The following PLPPR1 variants were observed in gnomAD, a reference collection of about 807,000 sequenced individuals.
The protein encoded by PLPPR1 is phospholipid phosphatase-related protein type 1.
Under a neutral mutation model 33.1 loss-of-function variants are expected in PLPPR1, and 10 were observed. That is an observed-to-expected ratio of 0.30 (90% CI 0.19 to 0.51). The LOEUF (loss-of-function observed/expected upper bound fraction) is 0.51. Ranked by LOEUF, PLPPR1 falls within the 20% of genes least tolerant of loss-of-function variation. The pLI, the probability that PLPPR1 is intolerant of heterozygous loss-of-function variation, is 0.97. For missense variants in PLPPR1, 304 were observed against 408.1 expected, an observed-to-expected ratio of 0.74 and a Z score of 2.20; for synonymous variants, 151 against 151.0, an observed-to-expected ratio of 1.00 and a Z score of 0.00.
intron 1 of PLPPR1, among the ~76,000 whole-genome samples, chr9:101,053,137 A>G (rs770036243): frequency 1.3e-5 from 2 of 152,158 alleles, no homozygotes; most frequent in Non-Finnish European, 2.9e-5. Flanking sequence ...AGTACCTAAA[A>G]CAGAACATGT....
intron 4 of PLPPR1, among the ~76,000 whole-genome samples, chr9:101,297,125 T>G (rs1828660602): frequency 6.6e-6 from 1 of 152,184 alleles, no homozygotes; most frequent in Non-Finnish European, 1.5e-5. Flanking sequence ...ATGGGCAAAT[T>G]GGGCAAATAA....
chr9:101,243,394 G>GA (rs1459842038), intron 2 of PLPPR1, among the ~76,000 whole-genome samples: 2 of 152,036 alleles, frequency 1.3e-5, no homozygotes, highest in Non-Finnish European at 1.5e-5. Flanking sequence ...AAGAAGTGAT[G>GA]AGGGCCTGAA....
intron 2 of PLPPR1, among the ~76,000 whole-genome samples, chr9:101,196,936 G>T (rs1041605970): frequency 2.6e-5 from 4 of 152,302 alleles, no homozygotes; most frequent in African/African-American, 9.6e-5. Flanking sequence ...ATGTGAATGC[G>T]GGAGGGAATG....
chr9:101,221,924 G>T (rs1414358884), intron 2 of PLPPR1, among the ~76,000 whole-genome samples: 4 of 152,158 alleles, frequency 2.6e-5, no homozygotes, highest in African/African-American at 9.7e-5. Flanking sequence ...AAGAAGGAAA[G>T]AAAATAGGAA....
At chr9:101,051,534 C>T (rs544951909) in intron 1 of PLPPR1, among the ~76,000 whole-genome samples, 4 of 152,316 alleles carry the variant, frequency 2.6e-5, no homozygotes, top group African/African-American at 7.2e-5. Context: ...CTTAGACCTT[C>T]TTGTCTGGTG....
chr9:101,288,262 C>T (rs569952934), intron 4 of PLPPR1, among the ~76,000 whole-genome samples: 2 of 152,204 alleles, frequency 1.3e-5, no homozygotes, highest in South Asian at 4.2e-4. Context: ...TGGAGAGAGG[C>T]ATGGTTCAGA....
chr9:101,040,552 G>C (rs1275271061), intron 1 of PLPPR1, among the ~76,000 whole-genome samples: 1 of 152,018 alleles, frequency 6.6e-6, no homozygotes, highest in African/African-American at 2.4e-5. Flanking sequence ...TTCATCTCAG[G>C]GTCTTTGCGT....
At chr9:101,197,058 T>G (rs1195617911) in intron 2 of PLPPR1, among the ~76,000 whole-genome samples, 1 of 152,126 alleles carries the variant, frequency 6.6e-6, no homozygotes, top group Non-Finnish European at 1.5e-5. Flanking sequence ...TGCTCAGACC[T>G]GTTCACAGAG....
chr9:101,164,114 CT>C (rs1007386834), intron 1 of PLPPR1, among the ~76,000 whole-genome samples: 6 of 151,940 alleles, frequency 3.9e-5, no homozygotes, highest in South Asian at 2.1e-4. Flanking sequence ...CCTTTACTTC[CT>C]TTTTTTTAAA....
chr9:101,088,466 A>G (rs1177705464), intron 1 of PLPPR1, among the ~76,000 whole-genome samples: 1 of 152,204 alleles, frequency 6.6e-6, no homozygotes, highest in Non-Finnish European at 1.5e-5. Context: ...CTCTATTTAT[A>G]GAAGTCAGAT....
chr9:101,313,934 C>G (rs1829007523), intron 6 of PLPPR1, among the ~76,000 whole-genome samples: 1 of 152,130 alleles, frequency 6.6e-6, no homozygotes, highest in Non-Finnish European at 1.5e-5. Context: ...AGGTATCTTT[C>G]ACCTAGCATA....
intron 2 of PLPPR1, among the ~76,000 whole-genome samples, chr9:101,226,398 T>C (rs1056367452): frequency 6.6e-6 from 1 of 152,168 alleles, no homozygotes; most frequent in Non-Finnish European, 1.5e-5. Flanking sequence ...TGATTGTTCT[T>C]GTTGTCATAG....
intron 2 of PLPPR1, among the ~76,000 whole-genome samples, chr9:101,188,998 A>G (rs1002124045): frequency 6.6e-6 from 1 of 152,042 alleles, no homozygotes; most frequent in Non-Finnish European, 1.5e-5. Flanking sequence ...ATCCTTTAGC[A>G]ATCCTTTCAG....
At chr9:101,297,021 A>G (rs1828658758) in intron 4 of PLPPR1, among the ~76,000 whole-genome samples, 1 of 152,210 alleles carries the variant, frequency 6.6e-6, no homozygotes, top group Non-Finnish European at 1.5e-5. Context: ...AACATTATAT[A>G]AGTGTATATG....
chr9:101,151,031 C>T (rs1221600405), intron 1 of PLPPR1, among the ~76,000 whole-genome samples: 1 of 151,854 alleles, frequency 6.6e-6, no homozygotes, highest in Non-Finnish European at 1.5e-5. Flanking sequence ...GAATTTTTTC[C>T]TGTAATAGTC....
chr9:101,029,678 T>G (rs1330259306), intron 1 of PLPPR1, among the ~76,000 whole-genome samples: 1 of 152,196 alleles, frequency 6.6e-6, no homozygotes, highest in African/African-American at 2.4e-5. Flanking sequence ...TTCGGCTTTC[T>G]CATCGAGCTC....
At chr9:101,215,505 T>A (rs1826775674) in intron 2 of PLPPR1, among the ~76,000 whole-genome samples, 2 of 152,160 alleles carry the variant, frequency 1.3e-5, no homozygotes, top group Admixed American at 1.3e-4. Flanking sequence ...GGTCTCTAAC[T>A]CCTGACCTCG....
At chr9:101,315,804 A>G (rs1328725560) in intron 6 of PLPPR1, among the ~76,000 whole-genome samples, 1 of 152,172 alleles carries the variant, frequency 6.6e-6, no homozygotes, top group African/African-American at 2.4e-5. Flanking sequence ...AGACTTGGAG[A>G]GGAGACAGAA....
chr9:101,266,559 A>G (rs1231021538), intron 2 of PLPPR1, among the ~76,000 whole-genome samples: 1 of 152,176 alleles, frequency 6.6e-6, no homozygotes, highest in African/African-American at 2.4e-5. Flanking sequence ...CCCACCTACC[A>G]CTACCACCCT....
Sources: allele counts gnomAD v4.1 joint callset (sites outside exome capture counted in the v4.1 genomes callset), GRCh38; gene constraint gnomAD v4.1.1; transcripts MANE v1.5; gene names NCBI Gene and HGNC (gene_info 2026-07-23, HGNC 2026-07-21).